LRP2: variants seen among roughly 807,000 people sequenced by gnomAD.
LRP2 encodes the protein low-density lipoprotein receptor-related protein 2.
LRP2 carries 172 observed loss-of-function variants against 531.0 expected under a neutral mutation model. The observed-to-expected ratio is 0.32, with a 90% CI of 0.29 to 0.37. The LOEUF (loss-of-function observed/expected upper bound fraction) is 0.37, where lower values mean the gene tolerates loss of function less well. Ranked by LOEUF, LRP2 falls within the 10% of genes least tolerant of loss-of-function variation. LRP2 has a pLI of 1.00. For missense variants in LRP2, 5,167 were observed against 5,868.3 expected, an observed-to-expected ratio of 0.88 and a Z score of 3.90; for synonymous variants, 1,992 against 2,027.6, an observed-to-expected ratio of 0.98 and a Z score of 0.47.
chr2:169,213,898 C>T (rs1156819023), intron 35 of LRP2, 28 bp from the exon 36 acceptor site: 1 of 1,521,348 alleles, frequency 6.6e-7, no homozygotes, highest in Non-Finnish European at 9.1e-7. Context: ...TCATTAGTTT[C>T]ATGGATTCAT....
chr2:169,211,771 G>A (rs2105340392), intron 37 of LRP2, among the ~76,000 whole-genome samples, 197 bp downstream of exon 37: 1 of 152,308 alleles, frequency 6.6e-6, no homozygotes, highest in East Asian at 1.9e-4. Context: ...CTGGAGCTGT[G>A]TTGGCGTGAG....
At chr2:169,136,376 A>G (rs1163468568) in intron 76 of LRP2, among the ~76,000 whole-genome samples, 2 of 151,512 alleles carry the variant, frequency 1.3e-5, no homozygotes, top group Non-Finnish European at 2.9e-5. Context: ...TTTCTTATTA[A>G]TATAAGAAGG....
intron 10 of LRP2, among the ~76,000 whole-genome samples, chr2:169,282,054 T>C (rs1683718552): frequency 6.6e-6 from 1 of 152,140 alleles, no homozygotes; most frequent in Admixed American, 6.6e-5. Flanking sequence ...AACATATAAA[T>C]ATGTTACCTA....
intron 4 of LRP2, among the ~76,000 whole-genome samples, chr2:169,305,631 A>G (rs1684395293): frequency 6.6e-6 from 1 of 152,222 alleles, no homozygotes; most frequent in African/African-American, 2.4e-5. Flanking sequence ...GGTACACAAA[A>G]ATCTGCTCAC....
intron 68 of LRP2, among the ~76,000 whole-genome samples, chr2:169,148,688 A>G (rs1558979213): frequency 6.6e-6 from 1 of 151,912 alleles, no homozygotes; most frequent in Admixed American, 6.6e-5. Context: ...ACTCAAAACT[A>G]AAAAAAACAA....
intron 37 of LRP2, among the ~76,000 whole-genome samples, chr2:169,210,497 C>G (rs1688555351): frequency 6.6e-6 from 1 of 152,166 alleles, no homozygotes; most frequent in African/African-American, 2.4e-5. Flanking sequence ...TCTAATCAAG[C>G]AATTAGACCT....
chr2:169,170,490 T>A lies in LRP2; in HGVS notation c.11380+61A>T, dbSNP rs17848202. On this transcript the variant is annotated intron_variant, in intron 59 of 78. Coordinates refer to ENST00000649046, the MANE Select transcript of LRP2 (RefSeq NM_004525.3). Reference sequence around the variant, plus strand: ...CTCTAAAAGCCTTATAAACACTAATTTGAAGCCCCTACACTGTCACAGTAC... The same window carrying A: ...CTCTAAAAGCCTTATAAACACTAATATGAAGCCCCTACACTGTCACAGTAC... The A allele has an allele frequency of 5.7e-5, 75 of 1,305,110 alleles. No individual in the cohort carries two copies. The East Asian group carries it at 1.7e-3, about 30-fold the overall frequency. The allele number at this position is 1,305,110 out of a possible 1,614,324, so 80.8% of individuals were successfully genotyped here. A position where few individuals can be genotyped will look rare whatever the true frequency, so the allele number is the denominator to read the frequency against.
intron 1 of LRP2, among the ~76,000 whole-genome samples, chr2:169,345,363 G>A (rs1049364868): frequency 6.6e-5 from 10 of 152,118 alleles, no homozygotes; most frequent in South Asian, 2.1e-4. Flanking sequence ...CAAGCTTACC[G>A]TGAGTGTCAT....
chr2:169,158,419 C>T (rs1295220231), intron 63 of LRP2, among the ~76,000 whole-genome samples: 1 of 151,858 alleles, frequency 6.6e-6, no homozygotes, highest in Non-Finnish European at 1.5e-5. Flanking sequence ...TATAAAAAAA[C>T]TAAGACATTA....
chr2:169,152,644 G>T (rs1281177060), intron 67 of LRP2, among the ~76,000 whole-genome samples, 155 bp downstream of exon 67: 3 of 152,048 alleles, frequency 2.0e-5, no homozygotes, highest in African/African-American at 7.3e-5. Context: ...GGAGGTAGTT[G>T]CTGGGGCTTC....
chr2:169,309,495 T>A (rs1410688547), intron 3 of LRP2, among the ~76,000 whole-genome samples: 1 of 152,210 alleles, frequency 6.6e-6, no homozygotes, highest in South Asian at 2.1e-4. Context: ...TTTTCCCGTT[T>A]CTTGTTTTTG....
intron 3 of LRP2, among the ~76,000 whole-genome samples, chr2:169,311,762 T>C (rs1244842984): frequency 1.3e-5 from 2 of 152,170 alleles, no homozygotes; most frequent in African/African-American, 4.8e-5. Flanking sequence ...CTTTGTTAAC[T>C]TTCTGTCTCG....
At chr2:169,185,449 T>C in intron 50 of LRP2, 54 bp downstream of exon 50, 2 of 1,566,276 alleles carry the variant, frequency 1.3e-6, no homozygotes, top group African/African-American at 1.4e-5. Flanking sequence ...GATGAAAACA[T>C]GGTTAGAATT....
chr2:169,232,760 G>A (rs541483301), intron 30 of LRP2, among the ~76,000 whole-genome samples: 6 of 152,172 alleles, frequency 3.9e-5, no homozygotes, highest in South Asian at 2.1e-4. Flanking sequence ...GGCAGGAGTC[G>A]CCTGCTGTGC....
chr2:169,227,782 A>G (rs943203579), intron 31 of LRP2, among the ~76,000 whole-genome samples: 9 of 152,140 alleles, frequency 5.9e-5, no homozygotes, highest in Admixed American at 1.3e-4. Context: ...GACAAATTTA[A>G]ATTTAGTCTA....
chr2:169,226,361 A>G (rs1689199851), intron 32 of LRP2, 61 bp downstream of exon 32: 2 of 1,350,912 alleles, frequency 1.5e-6, no homozygotes, highest in Admixed American at 3.4e-5. Flanking sequence ...ATAAGAAAAC[A>G]TCAGTGCAGG....
At chr2:169,144,809 C>A (rs915817725) in intron 70 of LRP2, among the ~76,000 whole-genome samples, 1 of 152,140 alleles carries the variant, frequency 6.6e-6, no homozygotes, top group Non-Finnish European at 1.5e-5. Context: ...CAGACTCCAC[C>A]CATGACTCAC....
chr2:169,320,882 A>G lies in LRP2; in HGVS notation c.82T>C (p.Cys28Arg), dbSNP rs1161067807. Residue 28 changes from cysteine (C) to arginine (R), a missense_variant and splice_region_variant, in exon 2 of 79, where the codon TGT becomes CGT. Physicochemically the swap from Cys to Arg is radical, Grantham distance 180. This residue lies in a region of LRP2 where 2,811 missense variants were observed against 3,058.0 expected (regional missense o/e 0.92). Transcript: ENST00000649046. ...ACLAPASGQE[C>R]DSAHFRCGSG... ...CCACAGCGAAAATGCGCACTGTCAC[A>G]TTCTGCAATAATAGACAGAAATTTT... The G allele has an allele frequency of 1.2e-6, 2 of 1,607,738 alleles. No homozygotes were observed. Among genetic ancestry groups the G allele is most frequent in the Admixed American group, 1.7e-5 (1 of 59,998 alleles).
rs1176789603 is a variant in LRP2 at position 169,192,065 on chromosome 2, A to C, written c.8831-32T>G. The C allele has an allele frequency of 3.2e-6, 5 of 1,571,980 alleles. No individual in the cohort carries two copies. The South Asian group carries it at 5.6e-5, about 17-fold the overall frequency. On this transcript the variant is annotated intron_variant, in intron 47 of 78. Transcript: ENST00000649046. ...CCAAAGCACGCAAGAATCAGAAAGC[A>C]TGAGAGCTCAGTGCAGCAGTTAATT...
Sources: allele counts gnomAD v4.1 joint callset (sites outside exome capture counted in the v4.1 genomes callset), GRCh38; gene constraint gnomAD v4.1.1; regional missense constraint gnomAD v4.1.1; transcripts MANE v1.5; gene names NCBI Gene and HGNC (gene_info 2026-07-23, HGNC 2026-07-21).